Variants in MTMR11 observed in about 807,000 individuals in gnomAD.
MTMR11 encodes the protein myotubularin-related protein 11.
A neutral mutation model predicts 100.0 loss-of-function variants in MTMR11; 89 were observed. That is an observed-to-expected ratio of 0.89 (90% confidence interval 0.75 to 1.06). The LOEUF is 1.06. MTMR11 is among the 50% of genes least tolerant of loss of function. The pLI is 0.00. For synonymous variants in MTMR11, 336 were observed against 326.3 expected (o/e 1.03, Z -0.32); for missense variants, 809 against 873.7 (o/e 0.93, Z 0.93).
rs782445786 is a variant in MTMR11, at chr1:149,935,346, T to C, written c.278A>G (p.Asn93Ser). Residue 93 changes from asparagine (N) to serine (S), a missense_variant, in exon 4 of 17, where the codon AAC becomes AGC. Physicochemically the swap from Asn to Ser is conservative, Grantham distance 46 (BLOSUM62 1). Coordinates refer to ENST00000439741, the MANE Select transcript of MTMR11 (RefSeq NM_001145862.2). Reference sequence around the variant, plus strand: ...GACCAGGGCAAAATCGTATTCACTGTTCAAGGGAGTGTCCTAGACGAAACA... The same window carrying C: ...GACCAGGGCAAAATCGTATTCACTGCTCAAGGGAGTGTCCTAGACGAAACA... ...GWQWNQDTPL[N>S]SEYDFALVNI... is the part of the protein sequence containing the mutation. 1 of 1,612,980 alleles carries C rather than the reference T, an allele frequency of 6.2e-7. No individual in the cohort carries two copies. The highest frequency in any genetic ancestry group is 1.3e-5 in the African/African-American group (1 of 74,976).
Position 149,928,915 on chromosome 1 carries a change from T to G in MTMR11, c.*214A>C. The G allele has an allele frequency of 1.9e-6, 3 of 1,614,128 alleles. No individual in the cohort carries two copies. In the South Asian group the frequency reaches 3.3e-5, roughly 18 times the overall value. ...GATGGGATTGGCCTAAAAAAACCGA[T>G]CAATTTCTGGATTGTTTTTGTTTCT... On this transcript the variant is annotated 3_prime_UTR_variant, in exon 17 of 17. Transcript: ENST00000439741.
chr1:149,928,933 T>A lies in MTMR11; in HGVS notation c.*196A>T. 1 of 1,614,126 alleles carries A rather than the reference T, an allele frequency of 6.2e-7. No homozygotes were observed. The highest frequency in any genetic ancestry group is 8.5e-7 in the Non-Finnish European group (1 of 1,180,016). ...AAACCGATCAATTTCTGGATTGTTT[T>A]TGTTTCTTAATCCTTCAAATGACAA... On this transcript the variant is annotated 3_prime_UTR_variant, in exon 17 of 17. Transcript: ENST00000439741.
Position 149,934,190 on chromosome 1 carries a change from C to T in MTMR11, c.683+1G>A. ...AGGGTTGGGGTGCACTGGGGGATCA[C>T]CTGGTGGCTACGTCGAACCTCTCGT... On this transcript the variant is annotated splice_donor_variant, in intron 7 of 16. Coordinates refer to ENST00000439741, the MANE Select transcript of MTMR11 (RefSeq NM_001145862.2). LOFTEE classifies it high-confidence loss of function. The T allele has an allele frequency of 6.2e-7, 1 of 1,613,758 alleles. No homozygotes were observed. Among genetic ancestry groups the T allele is most frequent in the Non-Finnish European group, 8.5e-7 (1 of 1,179,996 alleles).
chr1:149,929,122 C>T lies in MTMR11; in HGVS notation c.*7G>A, dbSNP rs782445734. On this transcript the variant is annotated 3_prime_UTR_variant, in exon 17 of 17. Transcript: ENST00000439741. ...AAAAAAAAAAAAAGATTAGACAGAA[C>T]CCTCCTCTACCCCAGATCCCCCTCT... is the stretch of plus-strand genomic sequence containing the variant. The T allele has an allele frequency of 6.3e-7, 1 of 1,599,284 alleles. No individual in the cohort carries two copies. Among genetic ancestry groups the T allele is most frequent in the South Asian group, 1.1e-5 (1 of 88,556 alleles).
Position 149,929,135 on chromosome 1 carries a change from C to A in MTMR11, c.2124G>T (p.Leu708=). The part of the protein sequence containing the change: ...GILKGRAEGD[L]G The stretch of plus-strand genomic sequence containing the variant: ...GATTAGACAGAACCCTCCTCTACCC[C>A]AGATCCCCCTCTGCCCTGCCTTTGA... Residue 708 remains leucine, a synonymous_variant, in exon 17 of 17, where the codon CTG becomes CTT. Transcript: ENST00000439741. The A allele has an allele frequency of 3.1e-6, 5 of 1,611,818 alleles. No homozygotes were observed. The highest frequency in any genetic ancestry group is 1.7e-4 in the Middle Eastern group (1 of 6,050).
In MTMR11 at chr1:149,929,030, A is replaced by G. The variant is rs2092618330; in HGVS notation, c.*99T>C. The G allele has an allele frequency of 3.8e-6, 6 of 1,596,540 alleles. No individual in the cohort carries two copies. The highest frequency in any genetic ancestry group is 5.1e-6 in the Non-Finnish European group (6 of 1,170,374). ...GTTAACACCACTATCTGCAGCAGAAACTCAGACCTTCTTAGTGAACTTAAG... is the reference window on the plus strand; with the variant it reads ...GTTAACACCACTATCTGCAGCAGAAGCTCAGACCTTCTTAGTGAACTTAAG... On this transcript the variant is annotated 3_prime_UTR_variant, in exon 17 of 17. Coordinates refer to ENST00000439741, the MANE Select transcript of MTMR11 (RefSeq NM_001145862.2).
At chr1:149,936,302 G>T in intron 1 of MTMR11, 73 bp from the exon 2 acceptor site, 1 of 1,600,764 alleles carries the variant, frequency 6.2e-7, no homozygotes, top group Non-Finnish European at 8.5e-7. Flanking sequence ...GCAGCTGCCT[G>T]TAGAGGCCTA....
Position 149,935,794 on chromosome 1 carries a change from A to G in MTMR11, c.143-89T>C, listed in dbSNP as rs1184571766. ...CCACCCCTCCAAGAAAGGGAGATCTAAATAGGGAAGATTAAAATCCTCCCC... is the reference window on the plus strand; with the variant it reads ...CCACCCCTCCAAGAAAGGGAGATCTGAATAGGGAAGATTAAAATCCTCCCC... On this transcript the variant is annotated intron_variant, in intron 2 of 16. Transcript: ENST00000439741. 15 of 1,414,162 alleles carry G rather than the reference A, an allele frequency of 1.1e-5. No homozygotes were observed. The African/African-American group carries it at 1.9e-4, about 18-fold the overall frequency. 87.6% of individuals were successfully genotyped at this position (1,414,162 alleles called of 1,614,324 possible). A position where few individuals can be genotyped will look rare whatever the true frequency, so the allele number is the denominator to read the frequency against.
intron 7 of MTMR11, 105 bp downstream of exon 7, chr1:149,934,086 G>A: frequency 6.4e-7 from 1 of 1,569,772 alleles, no homozygotes; most frequent in Non-Finnish European, 8.7e-7. Context: ...TAGCTTTGTG[G>A]GTGTCCTAGG....
In MTMR11 at chr1:149,935,093, C is replaced by T; in HGVS notation, c.361G>A (p.Gly121Arg). ...TCAGGGATAAATTTATGCAGGGACC[C>T]TGGACGGAGGAGCTGGACTCGGGAC... ...GLSRVQLLRPGSLHKFIPEEI... is the reference protein window; with the variant it reads ...GLSRVQLLRPRSLHKFIPEEI... Residue 121 changes from glycine (G) to arginine (R), a missense_variant, in exon 5 of 17, where the codon GGG becomes AGG. By Grantham distance (125) the Gly-to-Arg change is moderately radical. Coordinates refer to ENST00000439741, the MANE Select transcript of MTMR11 (RefSeq NM_001145862.2). 1.2e-6 allele frequency: 2 copies of T among 1,614,154 alleles called. No homozygotes were observed. The highest frequency in any genetic ancestry group is 2.2e-5 in the South Asian group (2 of 91,078).
chr1:149,933,464 C>A lies in MTMR11; in HGVS notation c.927G>T (p.Leu309=), dbSNP rs200975715. The A allele has an allele frequency of 2.0e-5, 33 of 1,614,134 alleles. No individual in the cohort carries two copies. The highest frequency in any genetic ancestry group is 2.7e-5 in the Non-Finnish European group (32 of 1,180,020). The change falls in exon 10 of 17, where the codon CTG becomes CTT. Residue 309 remains leucine (L), a synonymous_variant. Transcript: ENST00000439741. The stretch of plus-strand genomic sequence containing the variant: ...CAAGTTGGACATCTGCAAGGCTGGG[C>A]AGCTCATCCATAGTGTCTACCAGGA... ...DVVLVDTMDE[L]PSLADVQLAH... is the part of the protein sequence containing the mutation.
chr1:149,930,504 G>C lies in MTMR11; in HGVS notation c.1508C>G (p.Pro503Arg). 1 of 1,613,942 alleles carries C rather than the reference G, an allele frequency of 6.2e-7. No individual in the cohort carries two copies. Among genetic ancestry groups the C allele is most frequent in the Non-Finnish European group, 8.5e-7 (1 of 1,179,880 alleles). Residue 503 changes from proline (P) to arginine (R), a missense_variant, in exon 15 of 17, where the codon CCT (proline) becomes CGT (arginine). Pro to Arg is a moderately radical substitution (Grantham distance 103). Coordinates refer to ENST00000439741, the MANE Select transcript of MTMR11 (RefSeq NM_001145862.2). ...CAGGTTAAAAGAGTTCCCAGCTGGA[G>C]GCTGGGAGTATCCTGGGGTGTAGAC... is the stretch of plus-strand genomic sequence containing the variant. Reference protein sequence around the residue: ...TQVYTPGYSQPPAGNSFNLQL... With the variant: ...TQVYTPGYSQRPAGNSFNLQL...
At position 149,929,909 on chromosome 1, in the gene MTMR11, A is replaced by T; in HGVS notation, c.1655T>A (p.Phe552Tyr). 2 of 1,605,236 alleles carry T rather than the reference A, an allele frequency of 1.2e-6. No individual in the cohort carries two copies. The highest frequency in any genetic ancestry group is 1.7e-6 in the Non-Finnish European group (2 of 1,175,130). Residue 552 changes from phenylalanine to tyrosine, a missense_variant, in exon 16 of 17, where the codon TTC (phenylalanine) becomes TAC (tyrosine). Physicochemically the swap from Phe to Tyr is conservative, Grantham distance 22. Transcript: ENST00000439741. ...AGAACTGGGGGGTCCAGGAACCATG[A>T]AGCTTGGCTAAAAGGAAAAGAAAAT... The part of the protein sequence containing the change: ...DSWLPRPQPS[F>Y]MVPGPPSSVW...
At position 149,933,900 on chromosome 1, in the gene MTMR11, A is replaced by C; in HGVS notation, c.726T>G (p.Ser242Arg). The change falls in exon 8 of 17, where the codon AGT becomes AGG. Residue 242 changes from serine (S) to arginine (R), a missense_variant. Ser to Arg is a moderately radical substitution (Grantham distance 110). Coordinates refer to ENST00000439741, the MANE Select transcript of MTMR11 (RefSeq NM_001145862.2). ...YFWVPNRILD[S>R]EVRRAFGHFH... ...AGTGGCCAAATGCTCTCCTGACCTCACTGTCCAGAATTCGGTTAGGGACCC... is the reference window on the plus strand; with the variant it reads ...AGTGGCCAAATGCTCTCCTGACCTCCCTGTCCAGAATTCGGTTAGGGACCC... The C allele has an allele frequency of 6.2e-7, 1 of 1,614,182 alleles. No homozygotes were observed. Among genetic ancestry groups the C allele is most frequent in the Admixed American group, 1.7e-5 (1 of 60,012 alleles).
At position 149,935,204 on chromosome 1, in the gene MTMR11, C is replaced by T. The variant is rs587675763; in HGVS notation, c.326-76G>A. On this transcript the variant is annotated intron_variant, in intron 4 of 16. Transcript: ENST00000439741. ...GAAGGGACTCTTGCAGCCCATCCCA[C>T]TCCATCCCTGCTGTTTTCTGAGAAC... 337 of 1,607,440 alleles carry T rather than the reference C, an allele frequency of 2.1e-4. 4 individuals carry two copies. In the South Asian group the frequency reaches 3.4e-3, roughly 16 times the overall value.
intron 16 of MTMR11, 146 bp downstream of exon 16, chr1:149,929,477 C>T: frequency 8.1e-7 from 1 of 1,240,266 alleles, no homozygotes; most frequent in South Asian, 1.4e-5. Flanking sequence ...CTCCTACACT[C>T]CCAAACCTTG....
At position 149,930,177 on chromosome 1, in the gene MTMR11, T is replaced by G. The variant is rs1446533790; in HGVS notation, c.1647+188A>C. On this transcript the variant is annotated intron_variant, in intron 15 of 16. Transcript: ENST00000439741. ...CAGACTTGAGGAAGGACAAAAAGGG[T>G]GCCCTCTGTGCTATTCTAGGTCTTC... 3.3e-5 allele frequency: 23 copies of G among 687,820 alleles called. No individual in the cohort carries two copies. The East Asian group carries it at 6.3e-4, about 19-fold the overall frequency. The allele number at this position is 687,820 out of a possible 1,614,324, so 42.6% of individuals were successfully genotyped here.
rs2092618210 is a variant in MTMR11, at chr1:149,929,022, C to T, written c.*107G>A. On this transcript the variant is annotated 3_prime_UTR_variant, in exon 17 of 17. Transcript: ENST00000439741. ...TTGGAGCAGTTAACACCACTATCTG[C>T]AGCAGAAACTCAGACCTTCTTAGTG... The T allele has an allele frequency of 1.9e-6, 3 of 1,598,764 alleles. No homozygotes were observed. The highest frequency in any genetic ancestry group is 2.6e-6 in the Non-Finnish European group (3 of 1,171,502).
intron 15 of MTMR11, 140 bp downstream of exon 15, chr1:149,930,225 G>A (rs1315344979): frequency 1.1e-6 from 1 of 910,714 alleles, no homozygotes; most frequent in Non-Finnish European, 1.7e-6. Context: ...GACACCCAGG[G>A]ACTATAAGTG....
Sources: allele counts gnomAD v4.1 joint callset, GRCh38; gene constraint gnomAD v4.1.1; transcripts MANE v1.5; gene names NCBI Gene and HGNC (gene_info 2026-07-23, HGNC 2026-07-21).